Variants in KCNAB1 observed in about 807,000 individuals in gnomAD.
The protein encoded by KCNAB1 is potassium voltage-gated channel subfamily A regulatory beta subunit 1.
Under a neutral mutation model 64.6 loss-of-function variants are expected in KCNAB1, and 35 were observed. The observed-to-expected ratio is 0.54, with a 90% CI of 0.41 to 0.72. The LOEUF (loss-of-function observed/expected upper bound fraction) is 0.72. KCNAB1 is among the 30% of genes least tolerant of loss of function. The probability of loss-of-function intolerance (pLI) is 0.00; values close to 1 mark genes in which losing one functional copy is unlikely to be tolerated. For missense variants in KCNAB1, 401 were observed against 512.9 expected, an observed-to-expected ratio of 0.78 and a Z score of 2.11; for synonymous variants, 177 against 183.8, an observed-to-expected ratio of 0.96 and a Z score of 0.30.
At chr3:156,534,421 C>T (rs1174672067) in intron 13 of KCNAB1, among the ~76,000 whole-genome samples, 2 of 152,232 alleles carry the variant, frequency 1.3e-5, no homozygotes, top group East Asian at 3.9e-4. Flanking sequence ...CCACTCCCAC[C>T]TAAAAGGTGG....
chr3:156,414,128 T>A (rs567556723), intron 1 of KCNAB1, among the ~76,000 whole-genome samples: 1 of 152,242 alleles, frequency 6.6e-6, no homozygotes, highest in Non-Finnish European at 1.5e-5. Context: ...AAGTGAGATA[T>A]TCACCCACAG....
chr3:156,418,844 A>G (rs1357098519), intron 1 of KCNAB1, among the ~76,000 whole-genome samples: 1 of 152,230 alleles, frequency 6.6e-6, no homozygotes, highest in Non-Finnish European at 1.5e-5. Flanking sequence ...AAAAATAATT[A>G]AAAGTATTAG....
intron 1 of KCNAB1, among the ~76,000 whole-genome samples, chr3:156,203,013 T>C (rs1714438871): frequency 6.6e-6 from 1 of 152,196 alleles, no homozygotes; most frequent in South Asian, 2.1e-4. Flanking sequence ...TTAGATTATC[T>C]TTGACAAGTT....
chr3:156,435,229 T>C (rs1052888336), intron 2 of KCNAB1, among the ~76,000 whole-genome samples: 3 of 152,226 alleles, frequency 2.0e-5, no homozygotes, highest in Non-Finnish European at 4.4e-5. Context: ...GAGAGGGTTA[T>C]AGTTTGTCTT....
intron 1 of KCNAB1, among the ~76,000 whole-genome samples, chr3:156,137,597 G>A (rs1261444364): frequency 6.6e-6 from 1 of 150,466 alleles, no homozygotes; most frequent in African/African-American, 2.5e-5. Context: ...CACCCAGGCT[G>A]GAGTGCACTT....
intron 8 of KCNAB1, among the ~76,000 whole-genome samples, chr3:156,510,303 T>TG (rs1717118763): frequency 1.3e-5 from 2 of 152,186 alleles, no homozygotes; most frequent in Admixed American, 1.3e-4. Flanking sequence ...GAGACTAGAA[T>TG]TCATCAAACA....
rs112981201 is a variant in KCNAB1 at position 156,395,271 on chromosome 3, C to T, written c.276-26345C>T. On this transcript the variant is annotated intron_variant, in intron 1 of 13. Transcript: ENST00000490337. The stretch of plus-strand genomic sequence containing the variant: ...AAAATCAGACATTGTTAGGGCCGGG[C>T]GCGGTGGCTCACGCCTGTAATCCCA... Among the ~76,000 whole-genome samples the T allele has an allele frequency of 3.5e-3, 518 of 149,922 alleles. 12 individuals are homozygous for T. Among genetic ancestry groups the T allele is most frequent in the African/African-American group, 0.013 (499 of 39,390 alleles).
At chr3:156,284,445 G>A (rs1719960014) in intron 1 of KCNAB1, among the ~76,000 whole-genome samples, 1 of 152,252 alleles carries the variant, frequency 6.6e-6, no homozygotes, top group Admixed American at 6.5e-5. Flanking sequence ...GCCCCCAGAG[G>A]TGGAGCCTAC....
At position 156,466,596 on chromosome 3, in the gene KCNAB1, A is replaced by T. The variant is rs189779298; in HGVS notation, c.571+910A>T. 6.2e-4 allele frequency among the ~76,000 whole-genome samples: 95 copies of T among 152,104 alleles called. 1 individual carries two copies. Among genetic ancestry groups the T allele is most frequent in the Non-Finnish European group, 5.4e-4 (37 of 67,928 alleles). On this transcript the variant is annotated intron_variant, in intron 7 of 13. Coordinates refer to ENST00000490337, the MANE Select transcript of KCNAB1 (RefSeq NM_172160.3). ...GATGAATTGTATAGTAGTGACCTCT[A>T]AGGCTTTAATGCACTCATCACTGAG...
At chr3:156,489,523 TAAG>T (rs1398815389) in intron 8 of KCNAB1, among the ~76,000 whole-genome samples, 1 of 152,048 alleles carries the variant, frequency 6.6e-6, no homozygotes, top group Non-Finnish European at 1.5e-5. Flanking sequence ...TCTGGTGAAG[TAAG>T]AAGGGAGTGG....
At chr3:156,154,061 G>A (rs2108298440) in intron 1 of KCNAB1, among the ~76,000 whole-genome samples, 3 of 152,296 alleles carry the variant, frequency 2.0e-5, no homozygotes, top group East Asian at 1.9e-4. Flanking sequence ...AGTTCTCCAT[G>A]TGTTGCTGCC....
At chr3:156,420,266 C>T (rs1341877114) in intron 1 of KCNAB1, among the ~76,000 whole-genome samples, 1 of 152,226 alleles carries the variant, frequency 6.6e-6, no homozygotes, top group Non-Finnish European at 1.5e-5. Context: ...GCTACATCTT[C>T]CAAATGAAGA....
intron 7 of KCNAB1, among the ~76,000 whole-genome samples, chr3:156,470,130 A>C (rs567491255): frequency 6.6e-6 from 1 of 152,340 alleles, no homozygotes; most frequent in Non-Finnish European, 1.5e-5. Context: ...GAAAGAATTC[A>C]TATTGAAAGG....
At chr3:156,200,992 T>G (rs1033991174) in intron 1 of KCNAB1, among the ~76,000 whole-genome samples, 1 of 152,168 alleles carries the variant, frequency 6.6e-6, no homozygotes, top group Non-Finnish European at 1.5e-5. Flanking sequence ...GTCTGAGGCT[T>G]GCAAAAACCA....
rs1456431312 is a variant in KCNAB1 at position 156,374,968 on chromosome 3, T to C, written c.276-46648T>C. Among the ~76,000 whole-genome samples, 3 of 136,262 alleles carry C rather than the reference T, an allele frequency of 2.2e-5. No individual in the cohort carries two copies. In the East Asian group the frequency reaches 5.8e-4, roughly 26 times the overall value. The allele number at this position is 136,262 out of a possible 152,430, so 89.4% of individuals were successfully genotyped here. ...ATGTTAAGCCAACATCATTCTTTGA[T>C]ATAAATATACAAGGACTATATTCAC... is the stretch of plus-strand genomic sequence containing the variant. On this transcript the variant is annotated intron_variant, in intron 1 of 13. Transcript: ENST00000490337.
intron 1 of KCNAB1, among the ~76,000 whole-genome samples, chr3:156,308,507 G>A (rs1576705160): frequency 6.6e-6 from 1 of 152,348 alleles, no homozygotes; most frequent in East Asian, 1.9e-4. Context: ...GGCTTGAATT[G>A]TGGAGGCAGG....
At chr3:156,396,212 AT>A (rs1185712118) in intron 1 of KCNAB1, among the ~76,000 whole-genome samples, 1 of 152,074 alleles carries the variant, frequency 6.6e-6, no homozygotes, top group Non-Finnish European at 1.5e-5. Context: ...GCCCCAGATG[AT>A]TTTTTTATGC....
chr3:156,244,175 G>T (rs548665046), intron 1 of KCNAB1, among the ~76,000 whole-genome samples: 2 of 152,296 alleles, frequency 1.3e-5, no homozygotes, highest in South Asian at 4.1e-4. Context: ...GTCTAAAACC[G>T]AAGTGTCTCC....
intron 1 of KCNAB1, among the ~76,000 whole-genome samples, chr3:156,230,136 A>G (rs570976237): frequency 9.8e-5 from 15 of 152,290 alleles, no homozygotes; most frequent in Admixed American, 9.2e-4. Flanking sequence ...TGGCTGCACC[A>G]TTTTATCATA....
Sources: allele counts gnomAD v4.1 joint callset (sites outside exome capture counted in the v4.1 genomes callset), GRCh38; gene constraint gnomAD v4.1.1; transcripts MANE v1.5; gene names NCBI Gene and HGNC (gene_info 2026-07-23, HGNC 2026-07-21).